VWC2L: variants seen among roughly 807,000 people sequenced by gnomAD.
VWC2L encodes the protein von Willebrand factor C domain-containing protein 2-like.
A neutral mutation model predicts 21.6 loss-of-function variants in VWC2L; 10 were observed. That is an observed-to-expected ratio of 0.46 (90% CI 0.29 to 0.78). The LOEUF is 0.78. Among genes scored for constraint, VWC2L ranks in the 30% least tolerant of loss-of-function variants. VWC2L has a pLI of 0.10. For synonymous variants in VWC2L, 96 were observed against 94.3 expected (o/e 1.02, Z -0.10); for missense variants, 209 against 277.1 (o/e 0.75, Z 1.74).
At chr2:214,422,779 G>A (rs1702462147) in intron 2 of VWC2L, among the ~76,000 whole-genome samples, 1 of 152,168 alleles carries the variant, frequency 6.6e-6, no homozygotes, top group South Asian at 2.1e-4. Context: ...CATGGAAAGA[G>A]TGAATAAAGT....
intron 3 of VWC2L, among the ~76,000 whole-genome samples, chr2:214,560,109 T>A (rs896365841): frequency 6.6e-6 from 1 of 152,210 alleles, no homozygotes; most frequent in African/African-American, 2.4e-5. Context: ...ACTGATCTTA[T>A]TATTTCTGTT....
intron 3 of VWC2L, among the ~76,000 whole-genome samples, chr2:214,446,652 A>T (rs568261624): frequency 6.6e-6 from 1 of 152,312 alleles, no homozygotes; most frequent in East Asian, 1.9e-4. Flanking sequence ...CTCACTTAAG[A>T]TATGGAAAAT....
intron 3 of VWC2L, among the ~76,000 whole-genome samples, chr2:214,475,211 A>ATAGAATTG (rs1260185503): frequency 6.6e-6 from 1 of 152,178 alleles, no homozygotes; most frequent in Admixed American, 6.6e-5. Context: ...TCATGATGTT[A>ATAGAATTG]TAGAATTGTA....
intron 3 of VWC2L, among the ~76,000 whole-genome samples, chr2:214,486,359 C>T (rs1027923810): frequency 1.3e-5 from 2 of 152,148 alleles, no homozygotes; most frequent in African/African-American, 4.8e-5. Flanking sequence ...TGTGTAACAG[C>T]GTGTTCTTAC....
At chr2:214,571,685 C>T (rs1574643498) in intron 3 of VWC2L, among the ~76,000 whole-genome samples, 1 of 152,304 alleles carries the variant, frequency 6.6e-6, no homozygotes, top group East Asian at 1.9e-4. Flanking sequence ...GATCTGACAA[C>T]TTAAACCATA....
chr2:214,541,028 C>T (rs1330490695), intron 3 of VWC2L, among the ~76,000 whole-genome samples: 1 of 152,094 alleles, frequency 6.6e-6, no homozygotes, highest in African/African-American at 2.4e-5. Context: ...ATTGTTAATA[C>T]TTGGAAAGGA....
chr2:214,419,673 T>C (rs1702406336), intron 2 of VWC2L, among the ~76,000 whole-genome samples: 1 of 152,192 alleles, frequency 6.6e-6, no homozygotes, highest in African/African-American at 2.4e-5. Flanking sequence ...TTTTTCCCAC[T>C]ATGGGCCAAA....
chr2:214,574,208 TA>T (rs780183858), intron 3 of VWC2L, among the ~76,000 whole-genome samples: 2 of 152,162 alleles, frequency 1.3e-5, no homozygotes, highest in Non-Finnish European at 2.9e-5. Flanking sequence ...GACAGCTTGC[TA>T]GCTGTTTGTC....
intron 3 of VWC2L, among the ~76,000 whole-genome samples, chr2:214,541,713 C>T (rs1302508829): frequency 6.6e-6 from 1 of 152,126 alleles, no homozygotes; most frequent in African/African-American, 2.4e-5. Flanking sequence ...GGGACTAAGA[C>T]AATTAGCATG....
At chr2:214,569,195 G>T (rs534894281) in intron 3 of VWC2L, among the ~76,000 whole-genome samples, 1 of 152,208 alleles carries the variant, frequency 6.6e-6, no homozygotes, top group South Asian at 2.1e-4. Flanking sequence ...TCTAGTCTTT[G>T]TCTGCAATCT....
chr2:214,503,750 T>C (rs752666043), intron 3 of VWC2L, among the ~76,000 whole-genome samples: 4 of 148,272 alleles, frequency 2.7e-5, no homozygotes, highest in Non-Finnish European at 6.0e-5. Flanking sequence ...AAAACAGAAA[T>C]GATAAAAGTT....
intron 3 of VWC2L, among the ~76,000 whole-genome samples, chr2:214,439,312 A>G (rs577129791): frequency 6.6e-6 from 1 of 152,146 alleles, no homozygotes; most frequent in Non-Finnish European, 1.5e-5. Context: ...GAATAACTTA[A>G]GTTTCCAACA....
chr2:214,515,252 G>A (rs1332939656), intron 3 of VWC2L, among the ~76,000 whole-genome samples: 1 of 152,132 alleles, frequency 6.6e-6, no homozygotes, highest in Non-Finnish European at 1.5e-5. Context: ...CATCCCTGCT[G>A]GTTTCTTTGA....
At chr2:214,466,090 A>G (rs775723745) in intron 3 of VWC2L, among the ~76,000 whole-genome samples, 3 of 151,954 alleles carry the variant, frequency 2.0e-5, no homozygotes, top group Non-Finnish European at 4.4e-5. Flanking sequence ...AAGACCAGGT[A>G]TTGTAATTGT....
chr2:214,436,562 G>T, intron 2 of VWC2L, 67 bp from the exon 3 acceptor site: 2 of 1,571,648 alleles, frequency 1.3e-6, no homozygotes, highest in South Asian at 2.3e-5. Context: ...TTTGTCTTCT[G>T]ACAGCATATG....
chr2:214,436,501 A>T (rs1702681488), intron 2 of VWC2L, 128 bp from the exon 3 acceptor site: 3 of 1,209,082 alleles, frequency 2.5e-6, no homozygotes, highest in Non-Finnish European at 3.4e-6. Flanking sequence ...ATGATCGTAG[A>T]CATGGTAAAT....
At chr2:214,479,207 T>C (rs1428951946) in intron 3 of VWC2L, among the ~76,000 whole-genome samples, 1 of 152,208 alleles carries the variant, frequency 6.6e-6, no homozygotes, top group African/African-American at 2.4e-5. Context: ...ATCATGTCAT[T>C]TATAAATGAT....
At chr2:214,500,187 G>A (rs540324059) in intron 3 of VWC2L, among the ~76,000 whole-genome samples, 35 of 152,202 alleles carry the variant, frequency 2.3e-4, no homozygotes, top group Admixed American at 1.4e-3. Flanking sequence ...TCACCTAAAC[G>A]GCATCATCTA....
At chr2:214,450,350 G>C (rs1372538587) in intron 3 of VWC2L, among the ~76,000 whole-genome samples, 1 of 152,172 alleles carries the variant, frequency 6.6e-6, no homozygotes, top group African/African-American at 2.4e-5. Flanking sequence ...CAGAAAAGCT[G>C]TTCAACCCAT....
Sources: allele counts gnomAD v4.1 joint callset (sites outside exome capture counted in the v4.1 genomes callset), GRCh38; gene constraint gnomAD v4.1.1; transcripts MANE v1.5; gene names NCBI Gene and HGNC (gene_info 2026-07-23, HGNC 2026-07-21).